The following NEBL variants were observed in gnomAD, a reference collection of about 807,000 sequenced individuals.
NEBL encodes LIM and SH3 protein 2.
In NEBL, 122 loss-of-function variants were observed where a neutral mutation model predicts 140.2. The observed-to-expected ratio is 0.87, with a 90% CI of 0.75 to 1.01. The LOEUF is 1.01. Among genes scored for constraint, NEBL ranks in the 50% least tolerant of loss-of-function variants. NEBL has a pLI of 0.00. For synonymous variants in NEBL, 436 were observed against 398.9 expected (o/e 1.09, Z -1.11); for missense variants, 1,365 against 1,231.3 (o/e 1.11, Z -1.62).
chr10:21,059,686 A>T (rs1835190155), intron 2 of NEBL, among the ~76,000 whole-genome samples: 1 of 152,254 alleles, frequency 6.6e-6, no homozygotes, highest in Admixed American at 6.5e-5. Flanking sequence ...CGTTGATTAA[A>T]ACTCTTTCCA....
rs80018324 is a variant in NEBL at position 20,814,844 on chromosome 10, A to G, written c.2241+781T>C. ...AATTTAGTTGTTCTTCTAAGCAGCCACAACTTAAAGGTAATTTATGTTAAA... is the reference window on the plus strand; with the variant it reads ...AATTTAGTTGTTCTTCTAAGCAGCCGCAACTTAAAGGTAATTTATGTTAAA... On this transcript the variant is annotated intron_variant, in intron 22 of 27. Transcript: ENST00000377122. Among the ~76,000 whole-genome samples the G allele has an allele frequency of 3.9e-3, 587 of 152,352 alleles. 27 individuals are homozygous for G. The East Asian group carries it at 0.1, about 26-fold the overall frequency.
chr10:20,870,932 G>A lies in NEBL; in HGVS notation c.481-1091C>T, dbSNP rs145576533. ...CAAAAATTGAACTGGCATAATGTCC[G>A]ATGGCCCATGTTTCACTGGTCAGCT... On this transcript the variant is annotated intron_variant, in intron 5 of 27. Coordinates refer to ENST00000377122, the MANE Select transcript of NEBL (RefSeq NM_006393.3). 3.2e-3 allele frequency among the ~76,000 whole-genome samples: 484 copies of A among 152,306 alleles called. 1 individual carries two copies. Among genetic ancestry groups the A allele is most frequent in the African/African-American group, 9.9e-3 (411 of 41,564 alleles).
chr10:20,944,534 C>T (rs144231628), intron 4 of NEBL, among the ~76,000 whole-genome samples: 2 of 152,228 alleles, frequency 1.3e-5, no homozygotes, highest in East Asian at 3.8e-4. Context: ...TGTAGCATTT[C>T]TCTCTATATT....
At chr10:20,893,775 C>A (rs1847221648) in intron 2 of NEBL, among the ~76,000 whole-genome samples, 1 of 152,116 alleles carries the variant, frequency 6.6e-6, no homozygotes, top group Non-Finnish European at 1.5e-5. Flanking sequence ...CTCAAAGGGC[C>A]AGGCAAGAGG....
At chr10:21,149,534 G>A (rs540257008) in intron 2 of NEBL, among the ~76,000 whole-genome samples, 11 of 152,202 alleles carry the variant, frequency 7.2e-5, no homozygotes, top group East Asian at 1.9e-4. Context: ...CAAGTGATCC[G>A]CCTCTCTTGG....
At chr10:20,841,355 C>T in intron 12 of NEBL, 1 of 164,854 alleles carries the variant, frequency 6.1e-6, no homozygotes, top group Non-Finnish European at 1.3e-5. Context: ...CAGCCCATTC[C>T]AATGTCTAGT....
At chr10:21,211,264 A>G (rs1391971953) in intron 3 of NEBL, among the ~76,000 whole-genome samples, 2 of 152,150 alleles carry the variant, frequency 1.3e-5, no homozygotes, top group African/African-American at 4.8e-5. Flanking sequence ...AGATCACTTG[A>G]GAACAGGAGC....
intron 5 of NEBL, among the ~76,000 whole-genome samples, chr10:20,879,175 C>G (rs969628035): frequency 1.3e-5 from 2 of 152,178 alleles, no homozygotes; most frequent in Non-Finnish European, 2.9e-5. Context: ...TGACAGTAAC[C>G]TTTAAGGTGG....
chr10:20,801,078 T>C (rs977656190), intron 26 of NEBL, among the ~76,000 whole-genome samples: 1 of 152,218 alleles, frequency 6.6e-6, no homozygotes, highest in East Asian at 1.9e-4. Context: ...AGCCTCAAGA[T>C]GTGCTGAACT....
intron 2 of NEBL, chr10:21,126,126 A>G (rs1328214028): frequency 1.9e-6 from 3 of 1,605,002 alleles, no homozygotes; most frequent in East Asian, 2.2e-5. Context: ...TACCAGGCCT[A>G]TGGGATAAAG....
intron 2 of NEBL, chr10:21,113,241 T>A (rs1477521697): frequency 7.2e-6 from 2 of 275,880 alleles, no homozygotes; most frequent in Non-Finnish European, 1.3e-5. Context: ...ATTTCCACCA[T>A]GGAAAAGACT....
At chr10:21,002,216 G>A (rs1293850894) in intron 3 of NEBL, among the ~76,000 whole-genome samples, 1 of 151,782 alleles carries the variant, frequency 6.6e-6, no homozygotes, top group Non-Finnish European at 1.5e-5. Flanking sequence ...TTGATTTACA[G>A]TAATATTACT....
Position 21,056,029 on chromosome 10 carries a change from C to A in NEBL, c.165-35828G>T, listed in dbSNP as rs117365503. Among the ~76,000 whole-genome samples, 1,116 of 152,254 alleles carry A rather than the reference C, an allele frequency of 7.3e-3. 41 individuals are homozygous for A. The East Asian group carries it at 0.089, about 12-fold the overall frequency. On this transcript the variant is annotated intron_variant, in intron 2 of 6. Coordinates refer to the NEBL transcript ENST00000417816. Reference sequence around the variant, plus strand: ...CAGACCAGTGAACTATATTCAGAGTCCTGCCTTAACATTAGAGTAGAGTGA... The same window carrying A: ...CAGACCAGTGAACTATATTCAGAGTACTGCCTTAACATTAGAGTAGAGTGA...
At chr10:21,120,423 T>TAA (rs1445364950) in intron 2 of NEBL, among the ~76,000 whole-genome samples, 1 of 101,174 alleles carries the variant, frequency 9.9e-6, no homozygotes, top group Non-Finnish European at 1.9e-5. Context: ...TATATATATA[T>TAA]AAATTTGATC....
At chr10:21,275,807 A>ATTTTTTTTTTTTTT (rs959684198) in intron 1 of NEBL, among the ~76,000 whole-genome samples, 8 of 113,804 alleles carry the variant, frequency 7.0e-5, no homozygotes, top group Non-Finnish European at 1.1e-4. Context: ...CACCCAGCTA[A>ATTTTTTTTTTTTTT]TTTTTTTTTT....
intron 19 of NEBL, among the ~76,000 whole-genome samples, chr10:20,820,815 A>G (rs1016519528): frequency 6.6e-6 from 1 of 152,052 alleles, no homozygotes; most frequent in African/African-American, 2.4e-5. Flanking sequence ...ACAGAGTAAG[A>G]CTCTATCTCA....
chr10:20,786,013 A>AACT, intron 27 of NEBL, 90 bp from the exon 28 acceptor site: 1 of 1,234,954 alleles, frequency 8.1e-7, no homozygotes, highest in Non-Finnish European at 1.2e-6. Flanking sequence ...CACATAAAGT[A>AACT]ACTATTAGGA....
intron 1 of NEBL, among the ~76,000 whole-genome samples, chr10:21,282,759 G>T (rs956108613): frequency 6.6e-6 from 1 of 152,050 alleles, no homozygotes; most frequent in Non-Finnish European, 1.5e-5. Flanking sequence ...GACAGTTAAG[G>T]CATTCTAAGT....
chr10:20,911,612 A>T (rs1006136399), intron 4 of NEBL, among the ~76,000 whole-genome samples: 1 of 152,238 alleles, frequency 6.6e-6, no homozygotes. Flanking sequence ...TTAAAACTAG[A>T]GCATTTAACT....
Sources: gnomAD v4.1 joint callset for allele counts (sites outside exome capture counted in the v4.1 genomes callset) on GRCh38, gnomAD v4.1.1 for gene constraint, MANE v1.5 for transcripts, NCBI Gene and HGNC (gene_info 2026-07-23, HGNC 2026-07-21) for gene names.